Variants in CCDC102B observed in about 807,000 individuals in gnomAD.
The protein encoded by CCDC102B is coiled-coil domain-containing protein 102B.
A neutral mutation model predicts 57.4 loss-of-function variants in CCDC102B; 75 were observed. The ratio of observed to expected loss-of-function variants is 1.31; its 90% CI spans 1.08 to 1.58. The LOEUF is 1.58. CCDC102B is among the 40% of genes most tolerant of loss of function. The pLI is 0.00. For missense variants in CCDC102B, 636 were observed against 582.6 expected (o/e 1.09, Z -0.94); for synonymous variants, 206 against 201.9 (o/e 1.02, Z -0.17).
At chr18:68,920,308 G>A (rs1051150935) in intron 6 of CCDC102B, among the ~76,000 whole-genome samples, 2 of 152,084 alleles carry the variant, frequency 1.3e-5, no homozygotes, top group Non-Finnish European at 2.9e-5. Flanking sequence ...GCATAGTACT[G>A]ATACAAAAAC....
At chr18:68,801,445 A>C (rs182060936) in intron 1 of CCDC102B, among the ~76,000 whole-genome samples, 22 of 152,276 alleles carry the variant, frequency 1.4e-4, no homozygotes, top group Admixed American at 1.4e-3. Context: ...GTTGATTTAT[A>C]TTTAATGATA....
At chr18:68,893,861 G>A (rs149515660) in intron 5 of CCDC102B, among the ~76,000 whole-genome samples, 4 of 152,146 alleles carry the variant, frequency 2.6e-5, no homozygotes, top group East Asian at 3.9e-4. Flanking sequence ...GAACCAGTCC[G>A]TGTTTGTCCA....
chr18:68,868,835 G>A (rs1198315487), intron 4 of CCDC102B, among the ~76,000 whole-genome samples: 1 of 152,114 alleles, frequency 6.6e-6, no homozygotes, highest in African/African-American at 2.4e-5. Context: ...AGATTTGGGG[G>A]GTGAGCATGA....
intron 6 of CCDC102B, among the ~76,000 whole-genome samples, chr18:68,973,905 G>A (rs1445394282): frequency 1.3e-5 from 2 of 152,036 alleles, no homozygotes; most frequent in Non-Finnish European, 2.9e-5. Context: ...GCTATTCACT[G>A]TTCTGCAAAA....
chr18:68,951,282 G>T (rs2049689793), intron 6 of CCDC102B, among the ~76,000 whole-genome samples: 1 of 152,078 alleles, frequency 6.6e-6, no homozygotes, highest in South Asian at 2.1e-4. Context: ...CAGAAAACTT[G>T]GTCCTATTTG....
At chr18:68,928,425 T>A (rs942059338) in intron 6 of CCDC102B, among the ~76,000 whole-genome samples, 2 of 151,708 alleles carry the variant, frequency 1.3e-5, no homozygotes, top group African/African-American at 4.8e-5. Flanking sequence ...CTGAGGAGGA[T>A]CATCAAAAGG....
At chr18:68,831,040 T>C (rs958985230) in intron 1 of CCDC102B, among the ~76,000 whole-genome samples, 2 of 152,036 alleles carry the variant, frequency 1.3e-5, no homozygotes, top group Admixed American at 6.6e-5. Flanking sequence ...TCACTTTTTT[T>C]CTCTGATCTA....
chr18:68,911,569 G>T (rs12967817), intron 6 of CCDC102B, among the ~76,000 whole-genome samples: 8,818 of 149,948 alleles, frequency 0.059, 338 homozygotes, highest in Non-Finnish European at 0.088. Flanking sequence ...TGGCTAACAC[G>T]GTGAAACCCC....
In CCDC102B at chr18:68,758,001, C is replaced by A. The variant is rs185740109; in HGVS notation, c.-67+41407C>A. 2.0e-5 allele frequency among the ~76,000 whole-genome samples: 3 copies of A among 152,124 alleles called. No individual in the cohort carries two copies. In the East Asian group the frequency reaches 5.8e-4, roughly 29 times the overall value. On this transcript the variant is annotated intron_variant, in intron 2 of 3. Transcript: ENST00000578970. ...CCACAGACTTTGTATTAAAGATAGCCTTTTCACCTCTTCTTGGCTTTATGG... is the reference window on the plus strand; with the variant it reads ...CCACAGACTTTGTATTAAAGATAGCATTTTCACCTCTTCTTGGCTTTATGG...
At chr18:69,036,579 G>A (rs753231763) in intron 7 of CCDC102B, among the ~76,000 whole-genome samples, 19 of 152,068 alleles carry the variant, frequency 1.2e-4, no homozygotes, top group Non-Finnish European at 2.2e-4. Flanking sequence ...GTGGAAGGGC[G>A]TCTGTTGCTT....
At chr18:69,035,403 G>A (rs1372679262) in intron 7 of CCDC102B, among the ~76,000 whole-genome samples, 1 of 152,026 alleles carries the variant, frequency 6.6e-6, no homozygotes, top group Non-Finnish European at 1.5e-5. Flanking sequence ...CACTACCTAA[G>A]TGATTCTTGA....
chr18:69,014,952 T>C (rs1236557582), intron 7 of CCDC102B, among the ~76,000 whole-genome samples: 2 of 135,192 alleles, frequency 1.5e-5, no homozygotes, highest in Non-Finnish European at 3.1e-5. Flanking sequence ...CTATACTGTA[T>C]GTGAATGAGA....
intron 2 of CCDC102B, among the ~76,000 whole-genome samples, chr18:68,778,180 T>C (rs1259059110): frequency 6.6e-6 from 1 of 152,092 alleles, no homozygotes; most frequent in Non-Finnish European, 1.5e-5. Flanking sequence ...ACTGTCGTAG[T>C]ATATTTCTTT....
intron 6 of CCDC102B, among the ~76,000 whole-genome samples, chr18:68,979,419 A>G (rs2050520156): frequency 6.6e-6 from 1 of 152,050 alleles, no homozygotes; most frequent in African/African-American, 2.4e-5. Context: ...GCATGAAACA[A>G]AAGCTTAAGA....
At chr18:68,762,731 C>T (rs1181477696) in intron 2 of CCDC102B, among the ~76,000 whole-genome samples, 1 of 152,144 alleles carries the variant, frequency 6.6e-6, no homozygotes, top group African/African-American at 2.4e-5. Flanking sequence ...AAACAGAATT[C>T]ATGCTACTTT....
chr18:68,874,604 T>C (rs989682031), intron 4 of CCDC102B, 65 bp from the exon 5 acceptor site: 14 of 961,292 alleles, frequency 1.5e-5, no homozygotes, highest in Non-Finnish European at 2.1e-5. Context: ...GAAGGACTAA[T>C]GTGGATTATC....
chr18:68,760,989 G>A (rs965375280), intron 2 of CCDC102B, among the ~76,000 whole-genome samples: 1 of 151,992 alleles, frequency 6.6e-6, no homozygotes, highest in East Asian at 1.9e-4. Flanking sequence ...GCAAAGTAAA[G>A]GCATATTACT....
upstream of CCDC102B, among the ~76,000 whole-genome samples, chr18:68,794,709 T>C (rs1019882628): frequency 1.3e-5 from 2 of 152,106 alleles, no homozygotes; most frequent in Non-Finnish European, 2.9e-5. Context: ...TTATATGATA[T>C]GGAGTGTTAG....
intron 1 of CCDC102B, among the ~76,000 whole-genome samples, chr18:68,819,279 A>G (rs2036606539): frequency 6.6e-6 from 1 of 152,048 alleles, no homozygotes; most frequent in Non-Finnish European, 1.5e-5. Context: ...GACTGTTTTA[A>G]AAGCTGTGAT....
Sources: gnomAD v4.1 joint callset for allele counts (sites outside exome capture counted in the v4.1 genomes callset) on GRCh38, gnomAD v4.1.1 for gene constraint, MANE v1.5 for transcripts, NCBI Gene and HGNC (gene_info 2026-07-23, HGNC 2026-07-21) for gene names.